Variants in PTGER3 observed in about 807,000 individuals in gnomAD.
PTGER3 encodes the protein prostaglandin E2 receptor EP3 subtype.
PTGER3 carries 22 observed loss-of-function variants against 34.7 expected under a neutral mutation model. The observed-to-expected ratio is 0.63, with a 90% CI of 0.45 to 0.91. PTGER3 has a LOEUF of 0.91. Ranked by LOEUF, PTGER3 falls within the 40% of genes least tolerant of loss-of-function variation. The pLI is 0.00. For missense variants in PTGER3, 468 were observed against 519.4 expected (o/e 0.90, Z 0.96); for synonymous variants, 241 against 230.1 (o/e 1.05, Z -0.43).
chr1:70,964,380 A>G (rs1020254545), intron 2 of PTGER3, among the ~76,000 whole-genome samples: 3 of 152,208 alleles, frequency 2.0e-5, no homozygotes, highest in African/African-American at 7.2e-5. Flanking sequence ...AAACATAGCT[A>G]AAACGGGCAA....
At chr1:70,962,209 A>G (rs1196110956) in intron 2 of PTGER3, among the ~76,000 whole-genome samples, 2 of 152,214 alleles carry the variant, frequency 1.3e-5, no homozygotes, top group African/African-American at 4.8e-5. Flanking sequence ...AGACGACTCT[A>G]TTCTACTTTT....
At chr1:70,873,830 G>A (rs1646217185) in intron 4 of PTGER3, among the ~76,000 whole-genome samples, 1 of 151,916 alleles carries the variant, frequency 6.6e-6, no homozygotes, top group African/African-American at 2.4e-5. Context: ...TGTATCTTTA[G>A]CAGAGACAGG....
At chr1:70,897,060 A>C (rs1223603371) in intron 4 of PTGER3, among the ~76,000 whole-genome samples, 1 of 152,182 alleles carries the variant, frequency 6.6e-6, no homozygotes, top group Non-Finnish European at 1.5e-5. Flanking sequence ...CTTAGGGATA[A>C]GTGCCTGAGG....
intron 4 of PTGER3, among the ~76,000 whole-genome samples, chr1:70,859,831 G>A (rs775619110): frequency 1.1e-4 from 16 of 152,136 alleles, no homozygotes; most frequent in Non-Finnish European, 1.6e-4. Flanking sequence ...AAGATGTTTC[G>A]TATGGCAGAA....
chr1:71,009,668 T>C (rs898448939), intron 2 of PTGER3: 1 of 985,096 alleles, frequency 1.0e-6, no homozygotes, highest in Admixed American at 6.2e-5. Context: ...GCTTACTTCT[T>C]CCACCATGGT....
intron 4 of PTGER3, among the ~76,000 whole-genome samples, chr1:70,904,969 GGGTTGGGCCTAA>G (rs1646914465): frequency 6.6e-6 from 1 of 152,138 alleles, no homozygotes; most frequent in Non-Finnish European, 1.5e-5. Flanking sequence ...ATGGTTTCCT[GGGTTGGGCCTAA>G]GGTCCCTGTG....
intron 1 of PTGER3, among the ~76,000 whole-genome samples, chr1:71,041,509 T>C (rs927419504): frequency 6.6e-6 from 1 of 152,180 alleles, no homozygotes; most frequent in Non-Finnish European, 1.5e-5. Context: ...ATGTTTACAG[T>C]AAAATGTTGC....
intron 4 of PTGER3, chr1:70,852,975 A>G: frequency 8.6e-7 from 1 of 1,169,340 alleles, no homozygotes; most frequent in Non-Finnish European, 1.3e-6. Flanking sequence ...AGGAATGGTA[A>G]ATCACTTACA....
intron 2 of PTGER3, among the ~76,000 whole-genome samples, chr1:70,996,956 C>T (rs1441809970): frequency 6.6e-6 from 1 of 152,200 alleles, no homozygotes; most frequent in Admixed American, 6.5e-5. Context: ...GCCACTGCGC[C>T]TGGCCTGTTT....
exon 5 of PTGER3, chr1:70,852,842 A>G (rs1362932136): frequency 6.2e-7 from 1 of 1,613,606 alleles, no homozygotes; most frequent in South Asian, 1.1e-5. Context: ...GCAGGTTTTA[A>G]TTTCCCCAAA....
chr1:70,970,858 G>A lies in PTGER3; in HGVS notation c.*872C>T, dbSNP rs982644974. The A allele has an allele frequency of 4.2e-6, 4 of 944,642 alleles. No individual in the cohort carries two copies. The highest frequency in any genetic ancestry group is 2.5e-6 in the Non-Finnish European group (2 of 793,152). 58.5% of individuals were successfully genotyped at this position (944,642 alleles called of 1,614,324 possible). ...TTTTATTTTATAAAAACGTAATAAA[G>A]TTTGTTATTCAACAACTGTTATTTA... is the stretch of plus-strand genomic sequence containing the variant. On this transcript the variant is annotated 3_prime_UTR_variant, in exon 4 of 4. Transcript: ENST00000306666.
intron 4 of PTGER3, among the ~76,000 whole-genome samples, chr1:70,944,139 A>T (rs770831277): frequency 1.6e-4 from 24 of 152,100 alleles, no homozygotes; most frequent in Non-Finnish European, 2.2e-4. Context: ...GCTAGTAATA[A>T]TTATTCAATC....
At chr1:70,864,645 C>T (rs2100501935) in intron 4 of PTGER3, among the ~76,000 whole-genome samples, 1 of 152,136 alleles carries the variant, frequency 6.6e-6, no homozygotes, top group East Asian at 1.9e-4. Context: ...ATAGTTCCCT[C>T]AAATCGAGAT....
chr1:70,892,885 T>G (rs1257458581), intron 4 of PTGER3, among the ~76,000 whole-genome samples: 1 of 151,862 alleles, frequency 6.6e-6, no homozygotes, highest in African/African-American at 2.4e-5. Context: ...GAACATTTCT[T>G]ACTTCACCTT....
chr1:70,982,353 A>C (rs1418853119), intron 2 of PTGER3, among the ~76,000 whole-genome samples: 1 of 152,048 alleles, frequency 6.6e-6, no homozygotes, highest in African/African-American at 2.4e-5. Context: ...TCCACCCCCC[A>C]GGCTGTTGGG....
intron 1 of PTGER3, among the ~76,000 whole-genome samples, chr1:71,039,745 C>T (rs1243189959): frequency 4.6e-5 from 7 of 151,790 alleles, no homozygotes; most frequent in Admixed American, 4.6e-4. Context: ...CATTCTCCAC[C>T]ACATTTTTTC....
At chr1:71,026,416 T>C (rs1557754821) in intron 1 of PTGER3, among the ~76,000 whole-genome samples, 1 of 152,184 alleles carries the variant, frequency 6.6e-6, no homozygotes, top group Non-Finnish European at 1.5e-5. Context: ...CCGAAACTTC[T>C]GAAAAAAATG....
chr1:70,861,579 C>G (rs1023023698), intron 4 of PTGER3, among the ~76,000 whole-genome samples: 12 of 152,006 alleles, frequency 7.9e-5, no homozygotes, highest in Non-Finnish European at 1.6e-4. Flanking sequence ...TAAATTTGCA[C>G]AATCATTGTG....
At chr1:70,854,311 C>T (rs1645751250) in intron 4 of PTGER3, among the ~76,000 whole-genome samples, 1 of 151,912 alleles carries the variant, frequency 6.6e-6, no homozygotes, top group East Asian at 1.9e-4. Context: ...GGGTAAAATC[C>T]TCAAAGTGGT....
Sources: allele counts gnomAD v4.1 joint callset (sites outside exome capture counted in the v4.1 genomes callset), GRCh38; gene constraint gnomAD v4.1.1; transcripts MANE v1.5; gene names NCBI Gene and HGNC (gene_info 2026-07-23, HGNC 2026-07-21).